CDH13: variants seen among roughly 807,000 people sequenced by gnomAD.
CDH13 encodes the protein cadherin-13.
CDH13 carries 24 observed loss-of-function variants against 63.8 expected under a neutral mutation model. The ratio of observed to expected loss-of-function variants is 0.38; its 90% CI spans 0.27 to 0.53. CDH13 has a LOEUF of 0.53. Among genes scored for constraint, CDH13 ranks in the 20% least tolerant of loss-of-function variants. CDH13 has a pLI of 0.85. For missense variants in CDH13, 1,049 were observed against 903.1 expected (o/e 1.16, Z -2.07); for synonymous variants, 503 against 355.3 (o/e 1.42, Z -4.67).
chr16:83,755,140 C>G (rs2164662), intron 11 of CDH13, among the ~76,000 whole-genome samples: 1 of 151,846 alleles, frequency 6.6e-6, no homozygotes, highest in Non-Finnish European at 1.5e-5. Flanking sequence ...CACAAGAGAT[C>G]TGAAATCTTT....
intron 7 of CDH13, among the ~76,000 whole-genome samples, chr16:83,591,758 G>A (rs2150737241): frequency 6.6e-6 from 1 of 152,272 alleles, no homozygotes; most frequent in East Asian, 1.9e-4. Context: ...TGCTGCCCTG[G>A]GGAGCCACTT....
At chr16:83,238,150 G>C (rs1439999303) in intron 5 of CDH13, among the ~76,000 whole-genome samples, 1 of 151,978 alleles carries the variant, frequency 6.6e-6, no homozygotes, top group East Asian at 1.9e-4. Context: ...AACTGTTCTG[G>C]TCTTTGCTGA....
chr16:82,879,400 C>T (rs2040615749), intron 2 of CDH13, among the ~76,000 whole-genome samples: 1 of 149,756 alleles, frequency 6.7e-6, no homozygotes, highest in African/African-American at 2.5e-5. Context: ...CACTTTGAGC[C>T]TTGTGAGCAA....
chr16:83,339,774 C>A (rs1483291819), intron 5 of CDH13, among the ~76,000 whole-genome samples: 1 of 152,178 alleles, frequency 6.6e-6, no homozygotes, highest in East Asian at 1.9e-4. Context: ...ATCTCCCTCC[C>A]ATGATCAGCC....
At chr16:83,134,220 T>C (rs2151661982) in intron 4 of CDH13, among the ~76,000 whole-genome samples, 1 of 152,108 alleles carries the variant, frequency 6.6e-6, no homozygotes, top group African/African-American at 2.4e-5. Flanking sequence ...TGAGACAGAG[T>C]CTCGCTCTGT....
At chr16:83,328,543 A>T (rs1041493792) in intron 5 of CDH13, among the ~76,000 whole-genome samples, 1 of 152,208 alleles carries the variant, frequency 6.6e-6, no homozygotes, top group African/African-American at 2.4e-5. Flanking sequence ...TGTGTGGTGA[A>T]TAGAGTGGGA....
chr16:82,962,032 C>G (rs986310810), intron 2 of CDH13, among the ~76,000 whole-genome samples: 19 of 152,182 alleles, frequency 1.2e-4, no homozygotes, highest in African/African-American at 4.6e-4. Flanking sequence ...AACATAGATG[C>G]TATGACATGT....
At chr16:82,962,547 A>G (rs1907177292) in intron 2 of CDH13, among the ~76,000 whole-genome samples, 1 of 152,194 alleles carries the variant, frequency 6.6e-6, no homozygotes, top group East Asian at 1.9e-4. Flanking sequence ...ATGAGAAGGG[A>G]TAGGATGCAT....
At chr16:83,208,713 G>A (rs1225050230) in intron 4 of CDH13, among the ~76,000 whole-genome samples, 1 of 152,128 alleles carries the variant, frequency 6.6e-6, no homozygotes, top group East Asian at 1.9e-4. Flanking sequence ...AGGAAGGAAG[G>A]TCTAATTATT....
chr16:83,135,010 G>A (rs2036220569), intron 4 of CDH13, among the ~76,000 whole-genome samples: 1 of 152,140 alleles, frequency 6.6e-6, no homozygotes, highest in Admixed American at 6.5e-5. Flanking sequence ...TTAATTATTT[G>A]TGAACATTCA....
intron 6 of CDH13, among the ~76,000 whole-genome samples, chr16:83,390,327 A>G (rs76264100): frequency 0.11 from 16,517 of 152,234 alleles, 1,173 homozygotes; most frequent in Non-Finnish European, 0.16. Flanking sequence ...ATCACTGAAC[A>G]GAACCCTGCA....
chr16:83,562,856 T>A (rs2075732305), intron 7 of CDH13, among the ~76,000 whole-genome samples: 1 of 152,238 alleles, frequency 6.6e-6, no homozygotes, highest in African/African-American at 2.4e-5. Flanking sequence ...AGTGCTATTC[T>A]ACTGTTACTA....
intron 1 of CDH13, among the ~76,000 whole-genome samples, chr16:82,711,313 C>T (rs1235647089): frequency 6.6e-6 from 1 of 152,128 alleles, no homozygotes; most frequent in Non-Finnish European, 1.5e-5. Flanking sequence ...TTAGAATCTC[C>T]AGTGATCCTG....
chr16:83,029,616 G>A (rs1456189404), intron 2 of CDH13, among the ~76,000 whole-genome samples: 1 of 152,170 alleles, frequency 6.6e-6, no homozygotes, highest in Non-Finnish European at 1.5e-5. Context: ...AAGCCAAATA[G>A]GAGAGAGTGC....
At chr16:82,835,684 T>C (rs1233456493) in intron 1 of CDH13, among the ~76,000 whole-genome samples, 1 of 152,210 alleles carries the variant, frequency 6.6e-6, no homozygotes, top group African/African-American at 2.4e-5. Context: ...GCGGCCTCCC[T>C]GCTCCTGTTC....
intron 1 of CDH13, chr16:82,773,499 GA>G (rs2035354616): frequency 6.6e-6 from 1 of 152,256 alleles, no homozygotes; most frequent in South Asian, 2.1e-4. Context: ...GGTAGGTCTG[GA>G]AGTTTCCTTT....
At chr16:82,855,444 T>A (rs1022593957) in intron 1 of CDH13, among the ~76,000 whole-genome samples, 10 of 152,198 alleles carry the variant, frequency 6.6e-5, no homozygotes, top group African/African-American at 2.4e-4. Context: ...AATTAGCCAA[T>A]TGGAAGGTTA....
rs1670898492 is a variant in CDH13, at chr16:82,702,512, A to G, written c.45+75375A>G. 2.0e-5 allele frequency among the ~76,000 whole-genome samples: 3 copies of G among 152,326 alleles called. No individual in the cohort carries two copies. The South Asian group carries it at 6.2e-4, about 32-fold the overall frequency. On this transcript the variant is annotated intron_variant, in intron 1 of 13. Transcript: ENST00000567109. ...CCTGTTGATTGATTCTGGACTTGCC[A>G]TTCATTAAGAGAAGTTAATGGAGGT...
At chr16:83,000,842 G>C (rs942489711) in intron 2 of CDH13, among the ~76,000 whole-genome samples, 2 of 152,094 alleles carry the variant, frequency 1.3e-5, no homozygotes, top group Admixed American at 6.5e-5. Flanking sequence ...GCCTCCCAAG[G>C]TTCTGGGATT....
Sources: allele counts gnomAD v4.1 joint callset (sites outside exome capture counted in the v4.1 genomes callset), GRCh38; gene constraint gnomAD v4.1.1; transcripts MANE v1.5; gene names NCBI Gene and HGNC (gene_info 2026-07-23, HGNC 2026-07-21).